The following CIITA variants were observed in gnomAD, a reference collection of about 807,000 sequenced individuals.
CIITA encodes MHC class II transactivator.
CIITA carries 72 observed loss-of-function variants against 115.1 expected under a neutral mutation model. The ratio of observed to expected loss-of-function variants is 0.63; its 90% CI spans 0.52 to 0.76. CIITA has a LOEUF of 0.76. CIITA is among the 30% of genes least tolerant of loss of function. The probability of loss-of-function intolerance (pLI) is 0.00; values close to 1 mark genes in which losing one functional copy is unlikely to be tolerated. For synonymous variants in CIITA, 763 were observed against 635.6 expected (o/e 1.20, Z -3.02); for missense variants, 1,617 against 1,463.8 (o/e 1.10, Z -1.71).
At position 10,906,646 on chromosome 16, in the gene CIITA, C is replaced by A. The variant is rs778649467; in HGVS notation, c.1154C>A (p.Pro385Gln). 6.2e-7 allele frequency: 1 copy of A among 1,613,864 alleles called. No individual in the cohort carries two copies. Among genetic ancestry groups the A allele is most frequent in the East Asian group, 2.2e-5 (1 of 44,884 alleles). Reference protein sequence around the residue: ...SKSLERELATPDWAERQLAQG... With the variant: ...SKSLERELATQDWAERQLAQG... Reference sequence around the variant, plus strand: ...AGCCTGGAGCGGGAACTGGCCACCCCGGACTGGGCAGAACGGCAGCTGGCC... The same window carrying A: ...AGCCTGGAGCGGGAACTGGCCACCCAGGACTGGGCAGAACGGCAGCTGGCC... The change falls in exon 11 of 20, where the codon CCG (proline) becomes CAG (glutamine). Residue 385 changes from proline to glutamine, a missense_variant. By Grantham distance (76) the Pro-to-Gln change is moderately conservative (BLOSUM62 -1). Transcript: ENST00000324288.
intron 13 of CIITA, chr16:10,915,010 C>A (rs553027861): frequency 4.4e-6 from 2 of 454,704 alleles, no homozygotes; most frequent in South Asian, 3.1e-5. Context: ...AGCTGGGGAG[C>A]CCCAAGATGG....
intron 3 of CIITA, among the ~76,000 whole-genome samples, chr16:10,896,370 C>T (rs1162941507): frequency 1.3e-5 from 2 of 152,044 alleles, no homozygotes; most frequent in African/African-American, 4.8e-5. Context: ...CATTTTTAAC[C>T]ACAAAAAAAG....
rs138035692 is a variant in CIITA, at chr16:10,931,892, A to G, written c.*8037A>G. 6.6e-6 allele frequency: 1 copy of G among 152,370 alleles called. No individual in the cohort carries two copies. The highest frequency in any genetic ancestry group is 1.9e-4 in the East Asian group (1 of 5,190). 9.4% of individuals were successfully genotyped at this position (152,370 alleles called of 1,614,324 possible). On this transcript the variant is annotated 3_prime_UTR_variant, in exon 20 of 20. Coordinates refer to ENST00000324288, the MANE Select transcript of CIITA (RefSeq NM_000246.4). Reference sequence around the variant, plus strand: ...GGTGACAGAGTGAGACTCTGTCTCAAAAAAACACAAAAGTTTCTCTTTTCA... The same window carrying G: ...GGTGACAGAGTGAGACTCTGTCTCAGAAAAACACAAAAGTTTCTCTTTTCA...
At chr16:10,874,306 G>C (rs940875863), upstream of CIITA, among the ~76,000 whole-genome samples, 2 of 152,170 alleles carry the variant, frequency 1.3e-5, no homozygotes, top group Non-Finnish European at 2.9e-5. Context: ...TAAGAGGCAG[G>C]AACAAGGATG....
intron 1 of CIITA, among the ~76,000 whole-genome samples, chr16:10,877,841 G>A (rs2035984338): frequency 1.3e-5 from 2 of 152,224 alleles, no homozygotes; most frequent in South Asian, 4.1e-4. Flanking sequence ...CAGCTGGGGA[G>A]AGCTGGCGGA....
At chr16:10,905,576 C>T (rs1488052236) in intron 10 of CIITA, among the ~76,000 whole-genome samples, 1 of 150,916 alleles carries the variant, frequency 6.6e-6, no homozygotes, top group Admixed American at 6.6e-5. Flanking sequence ...GCCTGGCCAA[C>T]ATAGTGAAAC....
Position 10,923,040 on chromosome 16 carries a change from A to G in CIITA, c.3318-188A>G. On this transcript the variant is annotated intron_variant, in intron 18 of 19. Transcript: ENST00000324288. The surrounding 1 kb of genome is among the most constrained non-coding windows in gnomAD (Gnocchi z 5.2). Reference sequence around the variant, plus strand: ...CACACAGCAAGTCAGCTGCAGAACCATAAAGGAATCTCGGGCCTCCTAGGC... The same window carrying G: ...CACACAGCAAGTCAGCTGCAGAACCGTAAAGGAATCTCGGGCCTCCTAGGC... The G allele has an allele frequency of 1.6e-6, 1 of 623,020 alleles. No homozygotes were observed. Among genetic ancestry groups the G allele is most frequent in the African/African-American group, 1.8e-5 (1 of 54,838 alleles). The allele number at this position is 623,020 out of a possible 1,614,324, so 38.6% of individuals were successfully genotyped here.
Position 10,909,145 on chromosome 16 carries a change from TGAA to T in CIITA, c.2776_2778del (p.Lys926del), listed in dbSNP as rs758850807. 7 of 1,614,192 alleles carry T rather than the reference TGAA, an allele frequency of 4.3e-6. No homozygotes were observed. The highest frequency in any genetic ancestry group is 5.9e-6 in the Non-Finnish European group (7 of 1,180,042). Reference sequence around the variant, plus strand: ...ATCGAGCCTTTCAAAGCCAAGTCCCTGAAGGATGTGGAAGACCTGGGAAAGCTT... The same window carrying T: ...ATCGAGCCTTTCAAAGCCAAGTCCCTGGATGTGGAAGACCTGGGAAAGCTT... On this transcript the variant is annotated inframe_deletion, in exon 12 of 20. Transcript: ENST00000324288.
At position 10,942,988 on chromosome 16, in the gene CIITA, G is replaced by A. The variant is rs2041146325; in HGVS notation, n.2114G>A. On this transcript the variant is annotated non_coding_transcript_exon_variant, in exon 2 of 2. Transcript: ENST00000573379. The surrounding 1 kb of genome is among the most constrained non-coding windows in gnomAD (Gnocchi z 5.0). ...TAGAGTTAAGGAACACCTGAATAAA[G>A]AGATTCCGAGGTAGTTCAGATCTTC... is the stretch of plus-strand genomic sequence containing the variant. 1 of 152,220 alleles carries A rather than the reference G, an allele frequency of 6.6e-6. No homozygotes were observed. Among genetic ancestry groups the A allele is most frequent in the Non-Finnish European group, 1.5e-5 (1 of 68,048 alleles). 9.4% of individuals were successfully genotyped at this position (152,220 alleles called of 1,614,324 possible).
chr16:10,886,840 G>A (rs4781013), intron 1 of CIITA, among the ~76,000 whole-genome samples: 2 of 152,204 alleles, frequency 1.3e-5, no homozygotes, highest in Non-Finnish European at 2.9e-5. Flanking sequence ...GTGGAACTAA[G>A]ATTTGAACCC....
At chr16:10,917,624 CA>C (rs1300961692) in intron 15 of CIITA, among the ~76,000 whole-genome samples, 3 of 151,918 alleles carry the variant, frequency 2.0e-5, no homozygotes, top group African/African-American at 7.3e-5. Flanking sequence ...GAATTACAGG[CA>C]TGCACCACTA....
chr16:10,889,463 C>G (rs2037316648), intron 1 of CIITA, among the ~76,000 whole-genome samples: 1 of 152,132 alleles, frequency 6.6e-6, no homozygotes, highest in African/African-American at 2.4e-5. Context: ...GCTGGCACCC[C>G]ACACAGAACT....
intron 1 of CIITA, among the ~76,000 whole-genome samples, chr16:10,868,905 C>G (rs1446277402): frequency 6.6e-6 from 1 of 152,230 alleles, no homozygotes; most frequent in Non-Finnish European, 1.5e-5. Context: ...CCTGCTTTCT[C>G]TTTCTGCCCT....
intron 13 of CIITA, among the ~76,000 whole-genome samples, chr16:10,910,497 T>C (rs533837376): frequency 2.0e-4 from 30 of 152,302 alleles, no homozygotes; most frequent in African/African-American, 6.5e-4. Context: ...CCATCACTCA[T>C]TCAACAGAGG....
chr16:10,917,562 C>T (rs1354353362), intron 15 of CIITA, among the ~76,000 whole-genome samples: 2 of 149,064 alleles, frequency 1.3e-5, no homozygotes, highest in South Asian at 2.1e-4. Context: ...TTATTGCAAA[C>T]TTCACCTCCT....
chr16:10,910,657 G>T (rs1295773303), intron 13 of CIITA, among the ~76,000 whole-genome samples: 2 of 152,176 alleles, frequency 1.3e-5, no homozygotes, highest in Non-Finnish European at 2.9e-5. Flanking sequence ...AGTGGGGAGA[G>T]GGGAGTAAGA....
chr16:10,904,290 C>G (rs552924031), intron 9 of CIITA, among the ~76,000 whole-genome samples: 2 of 152,254 alleles, frequency 1.3e-5, no homozygotes, highest in African/African-American at 4.8e-5. Context: ...GGTGCGATCT[C>G]AGATCACTGC....
In CIITA at chr16:10,934,855, C is replaced by T. The variant is rs2040960643; in HGVS notation, c.*11000C>T. 1 of 152,248 alleles carries T rather than the reference C, an allele frequency of 6.6e-6. No individual in the cohort carries two copies. The highest frequency in any genetic ancestry group is 2.4e-5 in the African/African-American group (1 of 41,454). The allele number at this position is 152,248 out of a possible 1,614,324, so 9.4% of individuals were successfully genotyped here. A position where few individuals can be genotyped will look rare whatever the true frequency, so the allele number is the denominator to read the frequency against. On this transcript the variant is annotated 3_prime_UTR_variant, in exon 20 of 20. Transcript: ENST00000324288. This position sits in a 1 kb window ranked among gnomAD's most constrained non-coding sequence, Gnocchi z 4.2. ...GGCACCAGCACCATCTGGGGACTCG[C>T]TGGGTACCAATTATCACCGCCCTTG... is the stretch of plus-strand genomic sequence containing the variant.
chr16:10,922,528 ACTCC>A, intron 18 of CIITA, 38 bp downstream of exon 18: 1 of 1,606,158 alleles, frequency 6.2e-7, no homozygotes, highest in Non-Finnish European at 8.5e-7. Flanking sequence ...AGAACAACTC[ACTCC>A]CCAGGCGTGT....
Sources: allele counts gnomAD v4.1 joint callset (sites outside exome capture counted in the v4.1 genomes callset), GRCh38; gene constraint gnomAD v4.1.1; non-coding constraint Gnocchi (gnomAD v3.1); transcripts MANE v1.5; gene names NCBI Gene and HGNC (gene_info 2026-07-23, HGNC 2026-07-21).